The following MAPK10 variants were observed in gnomAD, a reference collection of about 807,000 sequenced individuals.
MAPK10 encodes JNK3 alpha protein kinase.
In MAPK10, 25 loss-of-function variants were observed where a neutral mutation model predicts 59.3. The observed-to-expected ratio is 0.42, with a 90% CI of 0.31 to 0.59. The LOEUF is 0.59. Ranked by LOEUF, MAPK10 falls within the 20% of genes least tolerant of loss-of-function variation. The pLI is 0.15. For synonymous variants in MAPK10, 190 were observed against 200.5 expected, an observed-to-expected ratio of 0.95 and a Z score of 0.44; for missense variants, 351 against 568.9, an observed-to-expected ratio of 0.62 and a Z score of 3.90.
chr4:86,155,235 A>G (rs1212013446), intron 4 of MAPK10, among the ~76,000 whole-genome samples: 1 of 152,018 alleles, frequency 6.6e-6, no homozygotes, highest in East Asian at 1.9e-4. Flanking sequence ...TCTGCTGAAC[A>G]TGCCTGGCAA....
intron 1 of MAPK10, among the ~76,000 whole-genome samples, chr4:86,399,184 G>A (rs977144039): frequency 1.1e-4 from 17 of 152,136 alleles, no homozygotes; most frequent in African/African-American, 2.9e-4. Flanking sequence ...TCTCTAAACC[G>A]TTTTCCACAG....
chr4:86,035,370 CAAAA>C lies in MAPK10; in HGVS notation c.1111-3943_1111-3940del, dbSNP rs70948779. ...TGGGTGATAGAGTGAGACTCTGTCT[CAAAA>C]AAAAAAAAAAAAAAAAAAAAATGAT... On this transcript the variant is annotated intron_variant, in intron 11 of 13. Transcript: ENST00000641462. Among the ~76,000 whole-genome samples, 102 of 37,854 alleles carry C rather than the reference CAAAA, an allele frequency of 2.7e-3. 1 individual carries two copies. The highest frequency in any genetic ancestry group is 0.012 in the African/African-American group (97 of 8,148). 24.8% of individuals were successfully genotyped at this position (37,854 alleles called of 152,430 possible).
chr4:86,137,797 T>A (rs1162366173), intron 4 of MAPK10, among the ~76,000 whole-genome samples: 7 of 142,276 alleles, frequency 4.9e-5, no homozygotes, highest in African/African-American at 1.1e-4. Flanking sequence ...GCAAGACTAA[T>A]AAAGAAAAAA....
intron 1 of MAPK10, among the ~76,000 whole-genome samples, chr4:86,378,270 T>C (rs1247972269): frequency 1.3e-5 from 2 of 152,186 alleles, no homozygotes; most frequent in African/African-American, 2.4e-5. Flanking sequence ...CTCTTTGTAG[T>C]TTCTCAGACA....
chr4:86,277,296 T>A (rs751249988), intron 2 of MAPK10: 53 of 152,210 alleles, frequency 3.5e-4, no homozygotes, highest in Admixed American at 3.3e-3. Flanking sequence ...TGCTGCCTAA[T>A]GGCTTCTCTC....
intron 1 of MAPK10, chr4:86,392,524 A>T (rs1742364706): frequency 6.6e-6 from 1 of 152,084 alleles, no homozygotes; most frequent in Admixed American, 6.5e-5. Flanking sequence ...CAGTTACATA[A>T]GCCATCACAG....
chr4:86,075,378 C>A (rs2049074396), intron 9 of MAPK10, among the ~76,000 whole-genome samples: 1 of 152,132 alleles, frequency 6.6e-6, no homozygotes, highest in Admixed American at 6.5e-5. Flanking sequence ...TCATCTGAAG[C>A]CTTCTTCTCT....
intron 2 of MAPK10, among the ~76,000 whole-genome samples, chr4:86,273,687 T>C (rs921496105): frequency 5.9e-5 from 9 of 152,050 alleles, no homozygotes; most frequent in African/African-American, 1.9e-4. Flanking sequence ...TACTGTGCCA[T>C]TGTTTTTCAT....
intron 4 of MAPK10, among the ~76,000 whole-genome samples, chr4:86,109,235 T>C (rs1310310099): frequency 1.3e-5 from 2 of 152,222 alleles, no homozygotes; most frequent in Non-Finnish European, 2.9e-5. Context: ...AAAAATTTAT[T>C]TTATTTAAAG....
At chr4:86,474,478 C>T (rs1034653756) in intron 1 of MAPK10, among the ~76,000 whole-genome samples, 2 of 152,178 alleles carry the variant, frequency 1.3e-5, no homozygotes, top group Non-Finnish European at 2.9e-5. Context: ...CCATTGTCCT[C>T]CAAAAGCATA....
intron 1 of MAPK10, among the ~76,000 whole-genome samples, chr4:86,578,207 G>T (rs1471387419): frequency 2.6e-5 from 4 of 152,098 alleles, no homozygotes; most frequent in Admixed American, 2.0e-4. Flanking sequence ...CAGTGCTGCT[G>T]GCATCTAGTG....
intron 2 of MAPK10, among the ~76,000 whole-genome samples, chr4:86,288,244 T>C (rs924601953): frequency 6.6e-6 from 1 of 151,900 alleles, no homozygotes; most frequent in African/African-American, 2.4e-5. Context: ...TACATATGTA[T>C]ACATGTGCCA....
intron 2 of MAPK10, among the ~76,000 whole-genome samples, chr4:86,272,297 C>A (rs776826384): frequency 5.3e-4 from 81 of 152,076 alleles, no homozygotes; most frequent in Non-Finnish European, 2.6e-4. Flanking sequence ...ATCTTTCCAG[C>A]ACTATTTCTT....
At chr4:86,185,136 C>T (rs74973334) in intron 3 of MAPK10, among the ~76,000 whole-genome samples, 42 of 152,246 alleles carry the variant, frequency 2.8e-4, no homozygotes, top group African/African-American at 1.0e-3. Flanking sequence ...ATATTCAGCT[C>T]TTGTGAGCCT....
At chr4:86,069,752 A>G (rs910463931) in intron 9 of MAPK10, among the ~76,000 whole-genome samples, 1 of 152,128 alleles carries the variant, frequency 6.6e-6, no homozygotes, top group African/African-American at 2.4e-5. Flanking sequence ...CTCGATGTCA[A>G]ACTTAAAATA....
chr4:86,067,299 G>A (rs2046939193), intron 10 of MAPK10, among the ~76,000 whole-genome samples: 1 of 152,014 alleles, frequency 6.6e-6, no homozygotes, highest in African/African-American at 2.4e-5. Context: ...GTGCCACCAT[G>A]CCCAGCTAAT....
intron 1 of MAPK10, among the ~76,000 whole-genome samples, chr4:86,382,765 T>A (rs776265380): frequency 6.6e-6 from 1 of 152,176 alleles, no homozygotes; most frequent in South Asian, 2.1e-4. Flanking sequence ...CTGCTGCTCA[T>A]GAATGTTAGA....
intron 4 of MAPK10, among the ~76,000 whole-genome samples, chr4:86,119,314 C>A (rs2058815537): frequency 6.6e-6 from 1 of 152,038 alleles, no homozygotes; most frequent in Non-Finnish European, 1.5e-5. Context: ...AATAAAAAGC[C>A]AATAGGGCCG....
At chr4:86,047,817 G>T (rs1278677787) in intron 11 of MAPK10, among the ~76,000 whole-genome samples, 1 of 152,262 alleles carries the variant, frequency 6.6e-6, no homozygotes, top group South Asian at 2.1e-4. Flanking sequence ...AGATGGGAAG[G>T]TGTTAGCTGA....
Sources: allele counts gnomAD v4.1 joint callset (sites outside exome capture counted in the v4.1 genomes callset), GRCh38; gene constraint gnomAD v4.1.1; transcripts MANE v1.5; gene names NCBI Gene and HGNC (gene_info 2026-07-23, HGNC 2026-07-21).